Variants in ZFHX3 observed in about 807,000 individuals in gnomAD.
The protein encoded by ZFHX3 is zinc finger homeobox 3.
In ZFHX3, 42 loss-of-function variants were observed where a neutral mutation model predicts 279.1. The observed-to-expected ratio is 0.15, with a 90% CI of 0.12 to 0.19. The LOEUF (loss-of-function observed/expected upper bound fraction) is 0.19. ZFHX3 is among the 10% of genes least tolerant of loss of function. The probability of loss-of-function intolerance (pLI) is 1.00; values close to 1 mark genes in which losing one functional copy is unlikely to be tolerated. For synonymous variants in ZFHX3, 2,293 were observed against 1,957.8 expected, an observed-to-expected ratio of 1.17 and a Z score of -4.52; for missense variants, 4,981 against 4,754.0, an observed-to-expected ratio of 1.05 and a Z score of -1.40.
In ZFHX3 at chr16:72,984,424, T is replaced by G. The variant is rs1422020267; in HGVS notation, c.-49-24230A>C. ...GGAGGATCACTTGAGCCCAGAAGTT[T>G]GAGACCAGCCTGGGCAACACAGTGC... is the stretch of plus-strand genomic sequence containing the variant. On this transcript the variant is annotated intron_variant, in intron 1 of 9. Transcript: ENST00000268489. Among the ~76,000 whole-genome samples the G allele has an allele frequency of 2.0e-5, 3 of 152,108 alleles. No homozygotes were observed. The East Asian group carries it at 5.8e-4, about 29-fold the overall frequency.
chr16:73,689,712 T>C (rs148399757), intron 1 of ZFHX3, among the ~76,000 whole-genome samples: 19 of 152,344 alleles, frequency 1.2e-4, no homozygotes, highest in African/African-American at 4.3e-4. Context: ...TTTTTGAAAG[T>C]TTCCTGGGGT....
intron 7 of ZFHX3, among the ~76,000 whole-genome samples, chr16:73,106,172 C>A (rs1966301874): frequency 6.6e-6 from 1 of 152,044 alleles, no homozygotes; most frequent in Non-Finnish European, 1.5e-5. Context: ...CCATTTTGCT[C>A]AATTAGAGCG....
intron 3 of ZFHX3, among the ~76,000 whole-genome samples, chr16:73,441,902 T>C (rs1019224876): frequency 2.0e-5 from 3 of 152,146 alleles, no homozygotes; most frequent in Admixed American, 6.5e-5. Context: ...ACAAAAAGCC[T>C]CCCTGAAACG....
At position 73,030,820 on chromosome 16, in the gene ZFHX3, G is replaced by C. The variant is rs189323270; in HGVS notation, c.-50+16932C>G. Reference sequence around the variant, plus strand: ...TGCACGCCCCTCTCAGCCTTCTCAGGGATTCCATTTTCCATAAACCTTGTA... The same window carrying C: ...TGCACGCCCCTCTCAGCCTTCTCAGCGATTCCATTTTCCATAAACCTTGTA... On this transcript the variant is annotated intron_variant, in intron 1 of 9. Coordinates refer to ENST00000268489, the MANE Select transcript of ZFHX3 (RefSeq NM_006885.4). 2.0e-5 allele frequency among the ~76,000 whole-genome samples: 3 copies of C among 152,240 alleles called. No individual in the cohort carries two copies. In the East Asian group the frequency reaches 5.8e-4, roughly 29 times the overall value.
intron 2 of ZFHX3, among the ~76,000 whole-genome samples, chr16:73,470,281 T>C (rs980416562): frequency 3.3e-5 from 5 of 152,190 alleles, no homozygotes; most frequent in Non-Finnish European, 7.3e-5. Flanking sequence ...TGTCTCGTCC[T>C]GTAATAAGCA....
chr16:73,626,047 G>T (rs375255981), intron 2 of ZFHX3, among the ~76,000 whole-genome samples: 1 of 152,114 alleles, frequency 6.6e-6, no homozygotes, highest in East Asian at 1.9e-4. Context: ...TAGTAGAGAC[G>T]GGGTTTCATC....
At chr16:73,255,999 C>A (rs762483562) in intron 5 of ZFHX3, among the ~76,000 whole-genome samples, 2 of 152,152 alleles carry the variant, frequency 1.3e-5, no homozygotes, top group African/African-American at 2.4e-5. Flanking sequence ...AGTGATGACA[C>A]CCTGAGGAGC....
intron 2 of ZFHX3, among the ~76,000 whole-genome samples, chr16:73,523,138 T>A (rs141944425): frequency 6.6e-6 from 1 of 152,306 alleles, no homozygotes; most frequent in African/African-American, 2.4e-5. Context: ...TCCTCCTCTC[T>A]CCCATAATAT....
chr16:73,170,629 C>G (rs1967499261), intron 5 of ZFHX3, among the ~76,000 whole-genome samples: 1 of 152,094 alleles, frequency 6.6e-6, no homozygotes, highest in African/African-American at 2.4e-5. Flanking sequence ...CTTTTTGCCC[C>G]CAGGACAGCT....
intron 5 of ZFHX3, among the ~76,000 whole-genome samples, chr16:73,206,985 T>TC (rs1391502807): frequency 6.6e-6 from 1 of 151,216 alleles, no homozygotes; most frequent in African/African-American, 2.4e-5. Flanking sequence ...GCCACTGCAC[T>TC]CCAGCCTGGG....
intron 2 of ZFHX3, among the ~76,000 whole-genome samples, chr16:73,494,180 C>A (rs1387986375): frequency 6.6e-6 from 1 of 152,126 alleles, no homozygotes; most frequent in Non-Finnish European, 1.5e-5. Context: ...GATCTGAAAC[C>A]AGTTAGTCAA....
At chr16:73,541,126 C>T (rs1278621671) in intron 2 of ZFHX3, among the ~76,000 whole-genome samples, 1 of 152,154 alleles carries the variant, frequency 6.6e-6, no homozygotes, top group Non-Finnish European at 1.5e-5. Flanking sequence ...ATGTCTCCAC[C>T]TTTATGAATA....
chr16:72,891,474 C>T (rs1300908745), intron 3 of ZFHX3, among the ~76,000 whole-genome samples: 1 of 152,152 alleles, frequency 6.6e-6, no homozygotes, highest in Non-Finnish European at 1.5e-5. Flanking sequence ...GCTATGGACC[C>T]TTTTTGACTA....
chr16:72,856,365 A>G (rs2037755517), intron 4 of ZFHX3, among the ~76,000 whole-genome samples: 1 of 152,170 alleles, frequency 6.6e-6, no homozygotes, highest in South Asian at 2.1e-4. Flanking sequence ...GTCATGCAAG[A>G]CCTGGGGGGC....
intron 2 of ZFHX3, among the ~76,000 whole-genome samples, chr16:73,469,172 G>A (rs2018620861): frequency 6.6e-6 from 1 of 152,198 alleles, no homozygotes; most frequent in South Asian, 2.1e-4. Flanking sequence ...CTGAACCTTG[G>A]AAAGGACAGA....
chr16:73,284,488 C>T (rs2014543754), intron 4 of ZFHX3, among the ~76,000 whole-genome samples: 1 of 151,998 alleles, frequency 6.6e-6, no homozygotes, highest in Admixed American at 6.5e-5. Context: ...TTAAAATGGA[C>T]TCATATTGAA....
chr16:73,722,000 G>C (rs923712249), intron 1 of ZFHX3, among the ~76,000 whole-genome samples: 1 of 152,342 alleles, frequency 6.6e-6, no homozygotes, highest in African/African-American at 2.4e-5. Flanking sequence ...AGCTGTGACT[G>C]TGTCTCTGCA....
rs72379473 is a variant in ZFHX3, at chr16:73,311,612, AG to A, written c.-1194+6627del. Among the ~76,000 whole-genome samples the A allele has an allele frequency of 1.8e-3, 23 of 12,958 alleles. 1 individual carries two copies. Among genetic ancestry groups the A allele is most frequent in the African/African-American group, 4.3e-3 (10 of 2,346 alleles). The allele number at this position is 12,958 out of a possible 152,430, so 8.5% of individuals were successfully genotyped here. A position where few individuals can be genotyped will look rare whatever the true frequency, so the allele number is the denominator to read the frequency against. ...CTCAAAAAAAAAAAAAAAAAAAAAAAGAAGTCACCAAAAGGCCAACAATGGT... is the reference window on the plus strand; with the variant it reads ...CTCAAAAAAAAAAAAAAAAAAAAAAAAAGTCACCAAAAGGCCAACAATGGT... On this transcript the variant is annotated intron_variant, in intron 4 of 17. Coordinates refer to the ZFHX3 transcript ENST00000641206.
intron 2 of ZFHX3, among the ~76,000 whole-genome samples, chr16:73,622,581 G>GAAAC (rs2143906571): frequency 6.6e-6 from 1 of 151,908 alleles, no homozygotes; most frequent in African/African-American, 2.4e-5. Context: ...AAGAAAGAAA[G>GAAAC]AAAGAAAGAA....
Sources: gnomAD v4.1 joint callset for allele counts (sites outside exome capture counted in the v4.1 genomes callset) on GRCh38, gnomAD v4.1.1 for gene constraint, MANE v1.5 for transcripts, NCBI Gene and HGNC (gene_info 2026-07-23, HGNC 2026-07-21) for gene names.